The following COL22A1 variants were observed in gnomAD, a reference collection of about 807,000 sequenced individuals.
COL22A1 encodes collagen type XXII alpha 1 chain.
A neutral mutation model predicts 248.9 loss-of-function variants in COL22A1; 221 were observed. The observed-to-expected ratio is 0.89, with a 90% CI of 0.80 to 0.99. The LOEUF is 0.99. COL22A1 is among the 50% of genes least tolerant of loss of function. COL22A1 has a pLI of 0.00. For missense variants in COL22A1, 2,240 were observed against 2,179.0 expected (o/e 1.03, Z -0.56); for synonymous variants, 891 against 793.4 (o/e 1.12, Z -2.07).
intron 23 of COL22A1, among the ~76,000 whole-genome samples, chr8:138,729,410 A>G (rs1287663048): frequency 6.6e-6 from 1 of 152,182 alleles, no homozygotes; most frequent in East Asian, 1.9e-4. Flanking sequence ...TGGTAAGACC[A>G]CAGCAACTGG....
chr8:138,812,065 G>T (rs2131700142), intron 8 of COL22A1, 144 bp from the exon 9 acceptor site: 3 of 1,029,988 alleles, frequency 2.9e-6, no homozygotes, highest in Non-Finnish European at 4.2e-6. Context: ...AGGCCTTGGG[G>T]CAGAAAGCCT....
intron 13 of COL22A1, among the ~76,000 whole-genome samples, chr8:138,780,474 T>C (rs1404973656): frequency 6.6e-6 from 1 of 152,122 alleles, no homozygotes; most frequent in African/African-American, 2.4e-5. Context: ...CTGGAGGATG[T>C]TGCAGCTCAG....
At chr8:138,660,993 C>G (rs542291839) in intron 43 of COL22A1, among the ~76,000 whole-genome samples, 3 of 115,010 alleles carry the variant, frequency 2.6e-5, no homozygotes, top group African/African-American at 1.2e-4. Context: ...CACATACACA[C>G]ATACACATAC....
intron 53 of COL22A1, among the ~76,000 whole-genome samples, chr8:138,618,582 G>A (rs1392251268): frequency 6.6e-6 from 1 of 152,062 alleles, no homozygotes; most frequent in Non-Finnish European, 1.5e-5. Flanking sequence ...GAAAAACAAG[G>A]GGATTTAAGA....
intron 44 of COL22A1, among the ~76,000 whole-genome samples, chr8:138,656,727 G>T (rs1386473684): frequency 1.3e-5 from 2 of 152,218 alleles, no homozygotes; most frequent in African/African-American, 2.4e-5. Flanking sequence ...TGAGACTGGT[G>T]TGCTACTTTG....
At chr8:138,602,001 T>C (rs1818057007) in intron 60 of COL22A1, 114 bp downstream of exon 60, 2 of 1,051,540 alleles carry the variant, frequency 1.9e-6, no homozygotes, top group East Asian at 2.4e-5. Context: ...ACAGGCGGCA[T>C]GATCCAGGCG....
intron 18 of COL22A1, among the ~76,000 whole-genome samples, chr8:138,758,060 C>A (rs1406230123): frequency 2.0e-5 from 3 of 152,232 alleles, no homozygotes; most frequent in African/African-American, 7.2e-5. Flanking sequence ...TTTCCCCCAA[C>A]CTTGAACCAG....
At chr8:138,828,676 G>A (rs1179922825) in intron 5 of COL22A1, among the ~76,000 whole-genome samples, 1 of 151,998 alleles carries the variant, frequency 6.6e-6, no homozygotes, top group Non-Finnish European at 1.5e-5. Context: ...CGTGAACCCG[G>A]GAGGCAGAGC....
At chr8:138,714,658 C>A (rs897234367) in intron 30 of COL22A1, among the ~76,000 whole-genome samples, 4 of 152,194 alleles carry the variant, frequency 2.6e-5, no homozygotes, top group South Asian at 2.1e-4. Context: ...TCATTGAATT[C>A]TCTTCCACTG....
chr8:138,912,095 G>A (rs1815491477), intron 1 of COL22A1, among the ~76,000 whole-genome samples: 1 of 152,116 alleles, frequency 6.6e-6, no homozygotes, highest in Non-Finnish European at 1.5e-5. Flanking sequence ...TGCCTCTTGT[G>A]TTATCTATCT....
At chr8:138,797,407 T>C (rs1330969953) in intron 11 of COL22A1, among the ~76,000 whole-genome samples, 1 of 152,208 alleles carries the variant, frequency 6.6e-6, no homozygotes, top group South Asian at 2.1e-4. Flanking sequence ...CCAAGGTTAA[T>C]CCATGTCAGA....
intron 12 of COL22A1, 32 bp from the exon 13 acceptor site, chr8:138,781,012 A>G (rs1364352278): frequency 2.7e-6 from 4 of 1,504,602 alleles, no homozygotes; most frequent in African/African-American, 2.8e-5. Context: ...AGCAATTAGT[A>G]AAGAATAACT....
At chr8:138,867,609 C>CTGGGATT (rs1822996404) in intron 3 of COL22A1, among the ~76,000 whole-genome samples, 1 of 152,134 alleles carries the variant, frequency 6.6e-6, no homozygotes, top group African/African-American at 2.4e-5. Flanking sequence ...CCACTCTAGC[C>CTGGGATT]CCGCTGACAT....
rs199951675 is a variant in COL22A1, at chr8:138,688,929, C to T, written c.2850G>A (p.Glu950=). 1.7e-5 allele frequency: 28 copies of T among 1,613,252 alleles called. No individual in the cohort carries two copies. In the East Asian group the frequency reaches 5.6e-4, roughly 32 times the overall value. Residue 950 remains glutamate, a synonymous_variant, in exon 37 of 65, where the codon GAG becomes GAA. Transcript: ENST00000303045. The stretch of plus-strand genomic sequence containing the variant: ...ATATTGGTCTTACCTTCTCACCACG[C>T]TCCCCATCTTTCCCTGGGGTGCCTC... ...GLRGTPGKDG[E]RGEKGAAGEE... is the part of the protein sequence containing the mutation.
chr8:138,862,632 C>G (rs557260680), intron 3 of COL22A1, among the ~76,000 whole-genome samples: 2 of 152,072 alleles, frequency 1.3e-5, no homozygotes, highest in Non-Finnish European at 2.9e-5. Flanking sequence ...TATCTTTCCT[C>G]TTGTTTTTTT....
chr8:138,823,988 C>T (rs1490867508), intron 6 of COL22A1, among the ~76,000 whole-genome samples: 4 of 152,180 alleles, frequency 2.6e-5, no homozygotes, highest in Non-Finnish European at 5.9e-5. Flanking sequence ...CAACCTGGGT[C>T]TTCTGGTCTC....
chr8:138,827,495 A>G (rs1332069048), intron 5 of COL22A1: 2 of 152,144 alleles, frequency 1.3e-5, no homozygotes, highest in Non-Finnish European at 2.9e-5. Context: ...CACCCAGCTT[A>G]GCTTACGGTG....
chr8:138,592,784 A>T (rs1222216279), intron 63 of COL22A1, among the ~76,000 whole-genome samples: 2 of 152,138 alleles, frequency 1.3e-5, no homozygotes. Context: ...TTTTATCTTT[A>T]TTTGAAATTG....
At chr8:138,815,458 C>A (rs1818603778) in intron 7 of COL22A1, among the ~76,000 whole-genome samples, 2 of 152,170 alleles carry the variant, frequency 1.3e-5, no homozygotes, top group African/African-American at 4.8e-5. Flanking sequence ...AAGCTCACCC[C>A]TAGTCTGCCA....
Sources: gnomAD v4.1 joint callset for allele counts (sites outside exome capture counted in the v4.1 genomes callset) on GRCh38, gnomAD v4.1.1 for gene constraint, MANE v1.5 for transcripts, NCBI Gene and HGNC (gene_info 2026-07-23, HGNC 2026-07-21) for gene names.